The following ACOT7 variants were observed in gnomAD, a reference collection of about 807,000 sequenced individuals.
ACOT7 encodes the protein cytosolic acyl coenzyme A thioester hydrolase.
In ACOT7, 12 loss-of-function variants were observed where a neutral mutation model predicts 40.2. The ratio of observed to expected loss-of-function variants is 0.30; its 90% CI spans 0.19 to 0.48. ACOT7 has a LOEUF of 0.48. ACOT7 is among the 20% of genes least tolerant of loss of function. The probability of loss-of-function intolerance (pLI) is 0.99; values close to 1 mark genes in which losing one functional copy is unlikely to be tolerated. For missense variants in ACOT7, 395 were observed against 530.8 expected (o/e 0.74, Z 2.51); for synonymous variants, 228 against 219.5 (o/e 1.04, Z -0.34).
chr1:6,286,618 C>T (rs1639510958), intron 7 of ACOT7, among the ~76,000 whole-genome samples: 1 of 152,188 alleles, frequency 6.6e-6, no homozygotes, highest in South Asian at 2.1e-4. Context: ...TCCTCATCTG[C>T]AAATGCTTTC....
In ACOT7 at chr1:6,274,079, C is replaced by A. The variant is rs1344281224; in HGVS notation, c.1014+7023G>T. ...GAGGAACGGGGCCCATGCGAGGACCCCAGGCCCCTCTGCACACCGTGCCTG... is the reference window on the plus strand; with the variant it reads ...GAGGAACGGGGCCCATGCGAGGACCACAGGCCCCTCTGCACACCGTGCCTG... On this transcript the variant is annotated intron_variant, in intron 8 of 8. Coordinates refer to ENST00000361521, the MANE Select transcript of ACOT7 (RefSeq NM_007274.4). This position sits in a 1 kb window ranked among gnomAD's most constrained non-coding sequence, Gnocchi z 5.9. Among the ~76,000 whole-genome samples the A allele has an allele frequency of 6.6e-6, 1 of 152,186 alleles. No homozygotes were observed. Among genetic ancestry groups the A allele is most frequent in the African/African-American group, 2.4e-5 (1 of 41,446 alleles).
intron 1 of ACOT7, chr1:6,360,471 A>G: frequency 6.7e-7 from 1 of 1,502,724 alleles, no homozygotes; most frequent in Non-Finnish European, 9.2e-7. Context: ...TCTTGAAGCC[A>G]CAGCGTCTCC....
chr1:6,374,809 G>A (rs570774834), intron 1 of ACOT7, among the ~76,000 whole-genome samples: 1 of 152,318 alleles, frequency 6.6e-6, no homozygotes, highest in Non-Finnish European at 1.5e-5. Context: ...GCATCAGTGA[G>A]CCCCTAGGTC....
At chr1:6,332,558 G>T (rs1640985219) in intron 4 of ACOT7, among the ~76,000 whole-genome samples, 1 of 152,222 alleles carries the variant, frequency 6.6e-6, no homozygotes, top group South Asian at 2.1e-4. Context: ...GTTCACACCT[G>T]TAATCCCAGC....
At chr1:6,340,253 A>G (rs531274767) in intron 2 of ACOT7, among the ~76,000 whole-genome samples, 1 of 152,278 alleles carries the variant, frequency 6.6e-6, no homozygotes, top group South Asian at 2.1e-4. Flanking sequence ...GGCATGAGCC[A>G]CCGCGCCCGG....
chr1:6,270,038 C>T (rs777930887), intron 8 of ACOT7, among the ~76,000 whole-genome samples: 1 of 152,232 alleles, frequency 6.6e-6, no homozygotes, highest in Non-Finnish European at 1.5e-5. Flanking sequence ...GGCCGCGGGG[C>T]GGTGTCTGTC....
chr1:6,343,040 C>T (rs913868419), intron 2 of ACOT7, among the ~76,000 whole-genome samples: 1 of 152,226 alleles, frequency 6.6e-6, no homozygotes, highest in Non-Finnish European at 1.5e-5. Context: ...GACAGCATGA[C>T]ACTGAGGAGC....
chr1:6,381,627 G>A (rs183131309), intron 1 of ACOT7, among the ~76,000 whole-genome samples: 7 of 151,920 alleles, frequency 4.6e-5, no homozygotes, highest in Non-Finnish European at 8.8e-5. Flanking sequence ...CAGTATGGTC[G>A]TTTCTTTAAA....
chr1:6,320,933 T>C (rs528882566), intron 5 of ACOT7, among the ~76,000 whole-genome samples: 1 of 152,354 alleles, frequency 6.6e-6, no homozygotes, highest in East Asian at 1.9e-4. Flanking sequence ...GAAGATGAGT[T>C]ACCTACACTT....
At chr1:6,371,815 C>T (rs1390778084) in intron 1 of ACOT7, among the ~76,000 whole-genome samples, 1 of 152,010 alleles carries the variant, frequency 6.6e-6, no homozygotes, top group African/African-American at 2.4e-5. Flanking sequence ...GAGGCTGAGA[C>T]AGGCAGATCA....
Position 6,294,091 on chromosome 1 carries a change from T to C in ACOT7, c.829+773A>G, listed in dbSNP as rs1397761627. ...CCAACAAGCCGCTTTAATGAGGTGG[T>C]GTCCTCAGAATCAGCACCAGGCCCT... On this transcript the variant is annotated intron_variant, in intron 7 of 8. Coordinates refer to ENST00000361521, the MANE Select transcript of ACOT7 (RefSeq NM_007274.4). This position sits in a 1 kb window ranked among gnomAD's most constrained non-coding sequence, Gnocchi z 4.6. 6.6e-6 allele frequency among the ~76,000 whole-genome samples: 1 copy of C among 152,190 alleles called. No individual in the cohort carries two copies. The highest frequency in any genetic ancestry group is 2.4e-5 in the African/African-American group (1 of 41,434).
intron 6 of ACOT7, among the ~76,000 whole-genome samples, chr1:6,302,821 T>G (rs1363351913): frequency 6.6e-6 from 1 of 151,058 alleles, no homozygotes; most frequent in East Asian, 2.0e-4. Flanking sequence ...AGTGAGATCA[T>G]TAGAAAGCCA....
At position 6,306,218 on chromosome 1, in the gene ACOT7, G is replaced by GGGAGGC. The variant is rs1640152893; in HGVS notation, c.713-11239_713-11238insGCCTCC. The GGGAGGC allele has an allele frequency of 1.0e-6, 1 of 971,466 alleles. No individual in the cohort carries two copies. Among genetic ancestry groups the GGGAGGC allele is most frequent in the African/African-American group, 1.8e-5 (1 of 55,654 alleles). 60.2% of individuals were successfully genotyped at this position (971,466 alleles called of 1,614,324 possible). On this transcript the variant is annotated intron_variant, in intron 6 of 8. Coordinates refer to ENST00000361521, the MANE Select transcript of ACOT7 (RefSeq NM_007274.4). The surrounding 1 kb of genome is among the most constrained non-coding windows in gnomAD (Gnocchi z 4.3). Reference sequence around the variant, plus strand: ...GGGAGACCGTGGGGAGAGGGGGAGGGGGAGGGGGAGAGGGAGAGGACGTTC... The same window carrying GGGAGGC: ...GGGAGACCGTGGGGAGAGGGGGAGGGGGAGGCGGAGGGGGAGAGGGAGAGGACGTTC...
At chr1:6,356,253 G>A (rs1266886268) in intron 1 of ACOT7, among the ~76,000 whole-genome samples, 3 of 152,094 alleles carry the variant, frequency 2.0e-5, no homozygotes, top group Non-Finnish European at 4.4e-5. Flanking sequence ...CCTGCCCACC[G>A]CTGGTCTCCA....
Position 6,358,812 on chromosome 1 carries a change from A to G in ACOT7, c.144-8946T>C, listed in dbSNP as rs757213168. 2 of 1,613,350 alleles carry G rather than the reference A, an allele frequency of 1.2e-6. No individual in the cohort carries two copies. Among genetic ancestry groups the G allele is most frequent in the Non-Finnish European group, 1.7e-6 (2 of 1,179,294 alleles). ...GCCCCTGCACGGCCTAGACATGCCC[A>G]TGACTGGCAGTACCTGCTCAGCTGG... On this transcript the variant is annotated intron_variant, in intron 1 of 8. Transcript: ENST00000361521. The surrounding 1 kb of genome is among the most constrained non-coding windows in gnomAD (Gnocchi z 4.1).
chr1:6,353,025 T>C (rs1641638691), intron 1 of ACOT7, among the ~76,000 whole-genome samples: 1 of 152,106 alleles, frequency 6.6e-6, no homozygotes, highest in South Asian at 2.1e-4. Context: ...ATTACAAGCA[T>C]GCACCACCAC....
chr1:6,392,750 C>A (rs942177551), intron 1 of ACOT7, among the ~76,000 whole-genome samples: 23 of 152,154 alleles, frequency 1.5e-4, no homozygotes, highest in Non-Finnish European at 3.4e-4. Context: ...CACAGGGGCA[C>A]CCACCGAGGG....
intron 6 of ACOT7, among the ~76,000 whole-genome samples, chr1:6,314,795 T>C (rs902483298): frequency 6.6e-6 from 1 of 151,778 alleles, no homozygotes; most frequent in African/African-American, 2.4e-5. Flanking sequence ...CATGGGATGA[T>C]GACGGTCCTC....
intron 6 of ACOT7, among the ~76,000 whole-genome samples, chr1:6,310,790 T>G (rs908849362): frequency 2.0e-5 from 3 of 152,104 alleles, no homozygotes; most frequent in African/African-American, 7.2e-5. Flanking sequence ...CTGGATGGAG[T>G]GCAGTGGTAT....
Sources: allele counts gnomAD v4.1 joint callset (sites outside exome capture counted in the v4.1 genomes callset), GRCh38; gene constraint gnomAD v4.1.1; non-coding constraint Gnocchi (gnomAD v3.1); transcripts MANE v1.5; gene names NCBI Gene and HGNC (gene_info 2026-07-23, HGNC 2026-07-21).